The following SND1 variants were observed in gnomAD, a reference collection of about 807,000 sequenced individuals.
SND1 encodes the protein staphylococcal nuclease and tudor domain containing 1.
SND1 carries 38 observed loss-of-function variants against 121.7 expected under a neutral mutation model. The observed-to-expected ratio is 0.31, with a 90% confidence interval of 0.24 to 0.41. SND1 has a LOEUF of 0.41. Among genes scored for constraint, SND1 ranks in the 10% least tolerant of loss-of-function variants. SND1 has a pLI of 1.00. For synonymous variants in SND1, 401 were observed against 447.4 expected (o/e 0.90, Z 1.31); for missense variants, 868 against 1,184.6 (o/e 0.73, Z 3.92).
At chr7:127,692,353 ACTTG>A (rs1167184899) in intron 2 of SND1, 1 of 152,220 alleles carries the variant, frequency 6.6e-6, no homozygotes, top group Non-Finnish European at 1.5e-5. Context: ...CTTAAAAGCC[ACTTG>A]CTTCTTAGAT....
chr7:127,921,314 T>C (rs1800700851), intron 14 of SND1, among the ~76,000 whole-genome samples: 1 of 152,202 alleles, frequency 6.6e-6, no homozygotes, highest in Admixed American at 6.5e-5. Flanking sequence ...TGAGACTTTT[T>C]TTCTGTGCTT....
At chr7:127,710,933 T>C (rs1465774904) in intron 9 of SND1, among the ~76,000 whole-genome samples, 4 of 152,240 alleles carry the variant, frequency 2.6e-5, no homozygotes, top group Admixed American at 1.3e-4. Flanking sequence ...TAGCATATTA[T>C]GGCTACTTCT....
chr7:127,654,553 C>G (rs1795179427), intron 1 of SND1, among the ~76,000 whole-genome samples: 1 of 152,162 alleles, frequency 6.6e-6, no homozygotes, highest in African/African-American at 2.4e-5. Flanking sequence ...GAAAGTGAAG[C>G]TGTCTATAAT....
intron 16 of SND1, among the ~76,000 whole-genome samples, chr7:128,041,764 T>C (rs1423944082): frequency 6.6e-6 from 1 of 152,222 alleles, no homozygotes; most frequent in Non-Finnish European, 1.5e-5. Flanking sequence ...TGTTTGCTTA[T>C]TTCTTTTTAA....
intron 11 of SND1, among the ~76,000 whole-genome samples, chr7:127,815,556 G>A (rs1295371973): frequency 1.3e-5 from 2 of 152,026 alleles, no homozygotes; most frequent in African/African-American, 4.8e-5. Context: ...AGGAGTATTG[G>A]GCACAGAGAG....
intron 12 of SND1, among the ~76,000 whole-genome samples, chr7:127,853,229 T>C (rs1799206536): frequency 6.6e-6 from 1 of 152,196 alleles, no homozygotes; most frequent in Non-Finnish European, 1.5e-5. Flanking sequence ...CGGGGTTGAC[T>C]GGGATGTGCT....
intron 1 of SND1, among the ~76,000 whole-genome samples, chr7:127,662,298 C>CT (rs564659608): frequency 1.9e-3 from 288 of 152,218 alleles, no homozygotes; most frequent in African/African-American, 6.9e-3. Context: ...TGGCAATTTT[C>CT]TTTTTTTAGT....
intron 16 of SND1, among the ~76,000 whole-genome samples, chr7:128,014,539 C>T (rs554158919): frequency 6.6e-5 from 10 of 152,272 alleles, no homozygotes; most frequent in African/African-American, 2.2e-4. Flanking sequence ...TTCCCAAAGG[C>T]GGGTGGGAAG....
chr7:127,674,290 G>A (rs1205367311), intron 1 of SND1, among the ~76,000 whole-genome samples: 2 of 152,110 alleles, frequency 1.3e-5, no homozygotes, highest in East Asian at 3.9e-4. Context: ...GATGGAGTCA[G>A]GAAATATTTG....
chr7:127,981,118 C>T (rs1278940219), intron 15 of SND1, among the ~76,000 whole-genome samples: 1 of 152,202 alleles, frequency 6.6e-6, no homozygotes, highest in Non-Finnish European at 1.5e-5. Context: ...CACAGTGCCA[C>T]TGTGTTACAT....
intron 16 of SND1, among the ~76,000 whole-genome samples, chr7:128,046,103 T>A (rs1439632982): frequency 2.0e-5 from 3 of 151,844 alleles, no homozygotes; most frequent in Admixed American, 6.6e-5. Flanking sequence ...ATACAGAAAA[T>A]TTTTCTCCCT....
chr7:127,703,373 G>A (rs1796136874), intron 7 of SND1, 50 bp downstream of exon 7: 1 of 1,594,130 alleles, frequency 6.3e-7, no homozygotes, highest in African/African-American at 1.3e-5. Context: ...GATGCATTTG[G>A]GGTTTGAAGA....
intron 10 of SND1, among the ~76,000 whole-genome samples, chr7:127,761,717 T>C (rs145721474): frequency 7.9e-4 from 121 of 152,344 alleles, no homozygotes; most frequent in Non-Finnish European, 2.2e-4. Flanking sequence ...TTGAAACCTG[T>C]TAAAATTAGA....
rs577204568 is a variant in SND1 at position 127,714,886 on chromosome 7, G to C, written c.1039-6401G>C. Among the ~76,000 whole-genome samples, 5 of 152,276 alleles carry C rather than the reference G, an allele frequency of 3.3e-5. No homozygotes were observed. The East Asian group carries it at 9.7e-4, about 29-fold the overall frequency. On this transcript the variant is annotated intron_variant, in intron 9 of 23. Coordinates refer to ENST00000354725, the MANE Select transcript of SND1 (RefSeq NM_014390.4). Reference sequence around the variant, plus strand: ...TGTGTATACATTTTGCTTACAACCTGTTCATGTGTCCATGGGGACACACTT... The same window carrying C: ...TGTGTATACATTTTGCTTACAACCTCTTCATGTGTCCATGGGGACACACTT...
At chr7:128,077,745 T>A (rs1015135818) in intron 17 of SND1, among the ~76,000 whole-genome samples, 1 of 152,222 alleles carries the variant, frequency 6.6e-6, no homozygotes, top group African/African-American at 2.4e-5. Flanking sequence ...AAGGGCAGAC[T>A]GTCCTGTGGT....
intron 13 of SND1, among the ~76,000 whole-genome samples, chr7:127,896,187 A>G (rs1221427772): frequency 6.6e-6 from 1 of 152,024 alleles, no homozygotes; most frequent in African/African-American, 2.4e-5. Context: ...ATCCGCCAAA[A>G]TAGGTTCAGC....
chr7:128,000,775 G>A (rs1460769112), intron 16 of SND1, among the ~76,000 whole-genome samples: 1 of 152,112 alleles, frequency 6.6e-6, no homozygotes, highest in Admixed American at 6.5e-5. Context: ...TATCCCCTAT[G>A]GAATTACATA....
chr7:127,691,495 G>C (rs1020333713), intron 2 of SND1, among the ~76,000 whole-genome samples: 4 of 151,768 alleles, frequency 2.6e-5, no homozygotes, highest in Non-Finnish European at 5.9e-5. Context: ...AGTGAACCAA[G>C]ATTATGCCAC....
At chr7:127,807,445 A>G (rs325440) in intron 10 of SND1, 39 bp from the exon 11 acceptor site, 1 of 1,507,178 alleles carries the variant, frequency 6.6e-7, no homozygotes, top group Non-Finnish European at 9.2e-7. Flanking sequence ...TTCATTTGAT[A>G]TTGTTCATTC....
Sources: allele counts gnomAD v4.1 joint callset (sites outside exome capture counted in the v4.1 genomes callset), GRCh38; gene constraint gnomAD v4.1.1; transcripts MANE v1.5; gene names NCBI Gene and HGNC (gene_info 2026-07-23, HGNC 2026-07-21).